The following CDHR2 variants were observed in gnomAD, a reference collection of about 807,000 sequenced individuals.
The protein encoded by CDHR2 is cadherin-related family member 2.
Under a neutral mutation model 138.6 loss-of-function variants are expected in CDHR2, and 104 were observed. The ratio of observed to expected loss-of-function variants is 0.75; its 90% CI spans 0.64 to 0.88. The LOEUF (loss-of-function observed/expected upper bound fraction) is 0.88. CDHR2 is among the 40% of genes least tolerant of loss of function. CDHR2 has a pLI of 0.00. For synonymous variants in CDHR2, 755 were observed against 742.8 expected, an observed-to-expected ratio of 1.02 and a Z score of -0.27; for missense variants, 1,624 against 1,727.6, an observed-to-expected ratio of 0.94 and a Z score of 1.06.
At chr5:176,545,482 T>C (rs1757565637), upstream of CDHR2, among the ~76,000 whole-genome samples, 1 of 152,178 alleles carries the variant, frequency 6.6e-6, no homozygotes, top group African/African-American at 2.4e-5. Context: ...AGGCACACAC[T>C]TCAGACAGTG....
chr5:176,591,979 T>G (rs62646221), intron 30 of CDHR2, among the ~76,000 whole-genome samples: 24 of 117,810 alleles, frequency 2.0e-4, no homozygotes, highest in East Asian at 6.1e-4. Flanking sequence ...GGTGGTGGTG[T>G]TGGTGTTGAG....
intron 31 of CDHR2, among the ~76,000 whole-genome samples, chr5:176,595,322 G>C (rs1758997945): frequency 6.6e-6 from 1 of 152,134 alleles, no homozygotes; most frequent in African/African-American, 2.4e-5. Context: ...AATCCCCCAG[G>C]CCACACCCTC....
At position 176,589,389 on chromosome 5, in the gene CDHR2, G is replaced by C; in HGVS notation, c.3068G>C (p.Arg1023Thr). Residue 1023 changes from arginine (R) to threonine (T), a missense_variant, in exon 23 of 32, where the codon AGG (arginine) becomes ACG (threonine). Arg to Thr is a moderately conservative substitution (Grantham distance 71, BLOSUM62 -1). Around this residue, in one of 3 missense-constraint regions of CDHR2, gnomAD observed 556 missense variants for 565.7 expected, o/e 0.98. Coordinates refer to ENST00000261944, the MANE Select transcript of CDHR2 (RefSeq NM_017675.6). ...QGTYQVTVQA[R>T]DRPSLGPFLE... ...ACCTACCAAGTGACAGTCCAGGCCA[G>C]GGACAGACCTTCCTTGGGTCCTTTC... 1 of 1,570,738 alleles carries C rather than the reference G, an allele frequency of 6.4e-7. No homozygotes were observed. Among genetic ancestry groups the C allele is most frequent in the Non-Finnish European group, 8.6e-7 (1 of 1,156,692 alleles).
intron 1 of CDHR2, among the ~76,000 whole-genome samples, chr5:176,559,897 T>C (rs1207265983): frequency 2.6e-5 from 4 of 152,168 alleles, no homozygotes; most frequent in African/African-American, 7.2e-5. Flanking sequence ...GACAGAGGTG[T>C]TTAACAGCGA....
rs1758850654 is a variant in CDHR2 at position 176,591,627 on chromosome 5, GTGGTGATGGTAGTGAGGTGA to G, written c.3734+156_3734+175del. 4 of 675,392 alleles carry G rather than the reference GTGGTGATGGTAGTGAGGTGA, an allele frequency of 5.9e-6. No individual in the cohort carries two copies. In the East Asian group the frequency reaches 8.2e-5, roughly 14 times the overall value. The allele number at this position is 675,392 out of a possible 1,614,324, so 41.8% of individuals were successfully genotyped here. A position where few individuals can be genotyped will look rare whatever the true frequency, so the allele number is the denominator to read the frequency against. ...GGTAGTAGTGGTAGTTATGGTGGTG[GTGGTGATGGTAGTGAGGTGA>G]TGGTGATGGTAGCAATGGTGACAGT... is the stretch of plus-strand genomic sequence containing the variant. On this transcript the variant is annotated intron_variant, in intron 30 of 31. Coordinates refer to ENST00000261944, the MANE Select transcript of CDHR2 (RefSeq NM_017675.6).
At chr5:176,562,901 A>G (rs563665701) in intron 1 of CDHR2, among the ~76,000 whole-genome samples, 1 of 152,184 alleles carries the variant, frequency 6.6e-6, no homozygotes, top group Non-Finnish European at 1.5e-5. Context: ...TTAACATGTA[A>G]ATGTATTACA....
chr5:176,592,356 AGTGATG>A (rs1215860379), intron 30 of CDHR2, among the ~76,000 whole-genome samples: 2 of 66,724 alleles, frequency 3.0e-5, no homozygotes, highest in African/African-American at 1.3e-4. Context: ...TGGTGATGGT[AGTGATG>A]GTGATGGTGG....
chr5:176,579,392 T>G (rs1436124225), intron 16 of CDHR2, among the ~76,000 whole-genome samples: 2 of 152,254 alleles, frequency 1.3e-5, no homozygotes, highest in Non-Finnish European at 2.9e-5. Flanking sequence ...AGTGATTTTC[T>G]GTGGTTACAC....
rs1758438077 is a variant in CDHR2, at chr5:176,578,043, C to G, written c.1522C>G (p.Pro508Ala). The G allele has an allele frequency of 6.2e-7, 1 of 1,611,892 alleles. No individual in the cohort carries two copies. Among genetic ancestry groups the G allele is most frequent in the East Asian group, 2.2e-5 (1 of 44,826 alleles). Residue 508 changes from proline (P) to alanine (A), a missense_variant, in exon 15 of 32, where the codon CCA (proline) becomes GCA (alanine). Coordinates refer to ENST00000261944, the MANE Select transcript of CDHR2 (RefSeq NM_017675.6). ...TGTCTCTGCCTCACAGGCCACGGAC[C>G]CAGACACGGGCGCGTGGGGCCAAAT... is the stretch of plus-strand genomic sequence containing the variant. ...VVTDSIHATD[P>A]DTGAWGQITY...
At chr5:176,574,207 C>A in intron 7 of CDHR2, 35 bp downstream of exon 7, 2 of 1,479,616 alleles carry the variant, frequency 1.4e-6, no homozygotes, top group Non-Finnish European at 1.9e-6. Context: ...GCCTTTGTGA[C>A]CGCCAGGGGG....
At position 176,565,411 on chromosome 5, in the gene CDHR2, G is replaced by C; in HGVS notation, c.52+7G>C. On this transcript the variant is annotated splice_region_variant and intron_variant, in intron 2 of 31. Coordinates refer to ENST00000261944, the MANE Select transcript of CDHR2 (RefSeq NM_017675.6). ...CCTGCCCTCGTGGTGTCTGGTAGGTGTCTCCCCTCCCCAGCCACGCAGCCC... is the reference window on the plus strand; with the variant it reads ...CCTGCCCTCGTGGTGTCTGGTAGGTCTCTCCCCTCCCCAGCCACGCAGCCC... 2.5e-6 allele frequency: 4 copies of C among 1,613,764 alleles called. No individual in the cohort carries two copies. The highest frequency in any genetic ancestry group is 1.1e-5 in the South Asian group (1 of 91,078).
At chr5:176,562,370 G>A (rs905977472) in intron 1 of CDHR2, among the ~76,000 whole-genome samples, 3 of 151,970 alleles carry the variant, frequency 2.0e-5, no homozygotes, top group South Asian at 2.1e-4. Flanking sequence ...CGGATTGGAC[G>A]TGGGCGTTCA....
At position 176,568,834 on chromosome 5, in the gene CDHR2, G is replaced by A. The variant is rs36070803; in HGVS notation, c.264+17G>A. ...GACTACGAGGTAAAGAGCATCAGCC[G>A]GAGAGGGCACGGGACGCGGAGGGGG... On this transcript the variant is annotated intron_variant, in intron 4 of 31. Transcript: ENST00000261944. The A allele has an allele frequency of 0.21, 341,453 of 1,613,612 alleles. 39,727 individuals carry two copies. Among genetic ancestry groups the A allele is most frequent in the East Asian group, 0.49 (21,763 of 44,866 alleles).
At chr5:176,586,715 A>G in intron 20 of CDHR2, 78 bp from the exon 21 acceptor site, 1 of 1,344,086 alleles carries the variant, frequency 7.4e-7, no homozygotes, top group Non-Finnish European at 1.0e-6. Context: ...ATGAGCCCTG[A>G]GCTGGGCTCG....
chr5:176,570,981 T>A (rs2113288653), intron 5 of CDHR2, among the ~76,000 whole-genome samples: 1 of 125,304 alleles, frequency 8.0e-6, no homozygotes, highest in South Asian at 2.6e-4. Context: ...TAATGATGCC[T>A]GCAACTTACT....
chr5:176,579,872 C>T (rs1325239890), intron 16 of CDHR2, among the ~76,000 whole-genome samples: 4 of 152,166 alleles, frequency 2.6e-5, no homozygotes, highest in Non-Finnish European at 4.4e-5. Flanking sequence ...CCCCAGGCGG[C>T]TCCCAGTTAG....
chr5:176,577,868 G>A, intron 14 of CDHR2, 70 bp downstream of exon 14: 2 of 1,547,050 alleles, frequency 1.3e-6, no homozygotes, highest in East Asian at 4.7e-5. Context: ...GTGTGAGAGT[G>A]TGTGTGTGTG....
chr5:176,581,257 G>A lies in CDHR2; in HGVS notation c.1819-86G>A, dbSNP rs191678153. On this transcript the variant is annotated intron_variant, in intron 16 of 31. Coordinates refer to ENST00000261944, the MANE Select transcript of CDHR2 (RefSeq NM_017675.6). ...CTGATGACTGCCTGCGTGGGCCAGC[G>A]CTGGAGAGGAGGGTCCGGCTGCATC... 7.3e-4 allele frequency: 1,131 copies of A among 1,552,562 alleles called. 13 individuals carry two copies. The African/African-American group carries it at 0.014, about 19-fold the overall frequency.
chr5:176,589,332 C>G lies in CDHR2; in HGVS notation c.3011C>G (p.Pro1004Arg). 1 of 1,554,892 alleles carries G rather than the reference C, an allele frequency of 6.4e-7. No individual in the cohort carries two copies. Among genetic ancestry groups the G allele is most frequent in the Non-Finnish European group, 8.7e-7 (1 of 1,149,640 alleles). The change falls in exon 23 of 32, where the codon CCG (proline) becomes CGG (arginine). Residue 1004 changes from proline to arginine, a missense_variant and splice_region_variant. By Grantham distance (103) the Pro-to-Arg change is moderately radical. Coordinates refer to ENST00000261944, the MANE Select transcript of CDHR2 (RefSeq NM_017675.6). Reference sequence around the variant, plus strand: ...CCTGCGCCTCCCGCCTTCCGCAGGCCGGTGACCAGCCTCGACTCCACTCTC... The same window carrying G: ...CCTGCGCCTCCCGCCTTCCGCAGGCGGGTGACCAGCCTCGACTCCACTCTC... ...EADVFAGSIQ[P>R]VTSLDSTLQG... is the part of the protein sequence containing the mutation.
Sources: gnomAD v4.1 joint callset for allele counts (sites outside exome capture counted in the v4.1 genomes callset) on GRCh38, gnomAD v4.1.1 for gene constraint, gnomAD v4.1.1 regional missense constraint, MANE v1.5 for transcripts, NCBI Gene and HGNC (gene_info 2026-07-23, HGNC 2026-07-21) for gene names.